The following RGL1 variants were observed in gnomAD, a reference collection of about 807,000 sequenced individuals.
RGL1 encodes the protein ral guanine nucleotide dissociation stimulator like 1.
A neutral mutation model predicts 95.2 loss-of-function variants in RGL1; 24 were observed. The observed-to-expected ratio is 0.25, with a 90% CI of 0.18 to 0.35. RGL1 has a LOEUF of 0.35. Among genes scored for constraint, RGL1 ranks in the 10% least tolerant of loss-of-function variants. The pLI is 1.00. For synonymous variants in RGL1, 329 were observed against 344.9 expected, an observed-to-expected ratio of 0.95 and a Z score of 0.51; for missense variants, 715 against 936.3, an observed-to-expected ratio of 0.76 and a Z score of 3.08.
chr1:183,742,027 G>A, intron 1 of RGL1: 2 of 851,516 alleles, frequency 2.3e-6, no homozygotes, highest in Non-Finnish European at 3.6e-6. Context: ...GTCTTTAATG[G>A]TCTCACTAGT....
At chr1:183,746,538 T>C (rs2102269758) in intron 2 of RGL1, among the ~76,000 whole-genome samples, 1 of 152,224 alleles carries the variant, frequency 6.6e-6, no homozygotes, top group South Asian at 2.1e-4. Context: ...TGATTAATTA[T>C]TCATCGTTAT....
chr1:183,736,434 T>G (rs1194087139), intron 1 of RGL1, among the ~76,000 whole-genome samples: 1 of 152,216 alleles, frequency 6.6e-6, no homozygotes, highest in Non-Finnish European at 1.5e-5. Flanking sequence ...GCTTGCTTAA[T>G]GGTTACACAG....
intron 3 of RGL1, among the ~76,000 whole-genome samples, chr1:183,857,131 G>T (rs1665203709): frequency 6.6e-6 from 1 of 152,156 alleles, no homozygotes; most frequent in Admixed American, 6.5e-5. Flanking sequence ...CCTTAAAAAT[G>T]TAAAAGATGG....
chr1:183,846,545 A>AT (rs1664450755), intron 2 of RGL1, among the ~76,000 whole-genome samples: 1 of 151,906 alleles, frequency 6.6e-6, no homozygotes, highest in Admixed American at 6.6e-5. Flanking sequence ...AATTTTTAAA[A>AT]AAAAAAAGAA....
chr1:183,762,824 C>T (rs1334105872), intron 2 of RGL1, among the ~76,000 whole-genome samples: 1 of 152,120 alleles, frequency 6.6e-6, no homozygotes, highest in Non-Finnish European at 1.5e-5. Context: ...TTGTGGAAGA[C>T]AGTATGGCAA....
At chr1:183,911,528 G>A (rs1002670098) in intron 14 of RGL1, among the ~76,000 whole-genome samples, 6 of 152,176 alleles carry the variant, frequency 3.9e-5, no homozygotes, top group African/African-American at 1.2e-4. Flanking sequence ...ACTAGCTCGC[G>A]TGCTTCTGGT....
At chr1:183,719,901 A>T (rs1228635420) in intron 1 of RGL1, among the ~76,000 whole-genome samples, 1 of 152,080 alleles carries the variant, frequency 6.6e-6, no homozygotes, top group Non-Finnish European at 1.5e-5. Context: ...GTGAGACTCC[A>T]TCTCAAAAAA....
At chr1:183,772,286 G>A (rs1210989209) in intron 2 of RGL1, among the ~76,000 whole-genome samples, 1 of 152,190 alleles carries the variant, frequency 6.6e-6, no homozygotes, top group South Asian at 2.1e-4. Flanking sequence ...CACGCCCACT[G>A]GGGCTTCAGG....
intron 2 of RGL1, among the ~76,000 whole-genome samples, chr1:183,758,100 G>T (rs1174197202): frequency 6.6e-6 from 1 of 152,184 alleles, no homozygotes; most frequent in Non-Finnish European, 1.5e-5. Context: ...AGTTGGTGTG[G>T]CTAGGCTTCT....
At chr1:183,677,954 G>C (rs1652942897) in intron 1 of RGL1, among the ~76,000 whole-genome samples, 1 of 152,124 alleles carries the variant, frequency 6.6e-6, no homozygotes, top group Admixed American at 6.5e-5. Context: ...AAACTGGAAG[G>C]CTTTTTTTCT....
intron 1 of RGL1, among the ~76,000 whole-genome samples, chr1:183,716,296 G>C (rs1655619656): frequency 6.6e-6 from 1 of 152,208 alleles, no homozygotes; most frequent in Non-Finnish European, 1.5e-5. Flanking sequence ...GTATGTTTTA[G>C]TTAGGGTAAG....
At chr1:183,798,441 AACCATCACC>A (rs1660809553) in intron 2 of RGL1, among the ~76,000 whole-genome samples, 1 of 152,068 alleles carries the variant, frequency 6.6e-6, no homozygotes, top group Non-Finnish European at 1.5e-5. Flanking sequence ...ATTCCCATGA[AACCATCACC>A]ACCATCAAAG....
intron 17 of RGL1, among the ~76,000 whole-genome samples, chr1:183,925,729 C>A (rs940475687): frequency 7.2e-5 from 11 of 152,136 alleles, no homozygotes; most frequent in African/African-American, 2.4e-4. Flanking sequence ...GGAAAATGGA[C>A]TGCAGGAGAA....
At chr1:183,711,453 T>C (rs1301304784) in intron 1 of RGL1, among the ~76,000 whole-genome samples, 2 of 151,954 alleles carry the variant, frequency 1.3e-5, no homozygotes, top group African/African-American at 4.8e-5. Context: ...ACTTAATGAG[T>C]ATGTAGGAGG....
intron 1 of RGL1, among the ~76,000 whole-genome samples, chr1:183,657,602 C>T (rs1241446228): frequency 2.0e-5 from 3 of 151,900 alleles, no homozygotes; most frequent in Non-Finnish European, 4.4e-5. Flanking sequence ...CATCCATGTC[C>T]CTACAAAGGA....
In RGL1 at chr1:183,926,016, T is replaced by C. The variant is rs938417307; in HGVS notation, c.2120-89T>C. On this transcript the variant is annotated intron_variant, in intron 17 of 17. Transcript: ENST00000360851. Reference sequence around the variant, plus strand: ...GAGATGAAGGGCCGTAGTCCCGTTCTTGTGTCTGGGCAAGGTTTACAGCTG... The same window carrying C: ...GAGATGAAGGGCCGTAGTCCCGTTCCTGTGTCTGGGCAAGGTTTACAGCTG... 3 of 1,146,346 alleles carry C rather than the reference T, an allele frequency of 2.6e-6. No individual in the cohort carries two copies. In the African/African-American group the frequency reaches 4.7e-5, roughly 18 times the overall value. 71.0% of individuals were successfully genotyped at this position (1,146,346 alleles called of 1,614,324 possible).
chr1:183,733,204 T>A (rs1656734194), intron 1 of RGL1, among the ~76,000 whole-genome samples: 1 of 152,144 alleles, frequency 6.6e-6, no homozygotes, highest in African/African-American at 2.4e-5. Context: ...AGGGATTGTA[T>A]CTTCTTGAGT....
intron 1 of RGL1, among the ~76,000 whole-genome samples, chr1:183,650,793 A>G (rs1650690806): frequency 6.6e-6 from 1 of 151,708 alleles, no homozygotes; most frequent in South Asian, 2.1e-4. Flanking sequence ...AGGTGTACCA[A>G]TCTTATCACA....
chr1:183,874,279 G>A (rs1040041754), intron 4 of RGL1, among the ~76,000 whole-genome samples: 1 of 152,158 alleles, frequency 6.6e-6, no homozygotes, highest in Non-Finnish European at 1.5e-5. Context: ...TTTAACCGAG[G>A]CCTTAACCTC....
Sources: allele counts gnomAD v4.1 joint callset (sites outside exome capture counted in the v4.1 genomes callset), GRCh38; gene constraint gnomAD v4.1.1; transcripts MANE v1.5; gene names NCBI Gene and HGNC (gene_info 2026-07-23, HGNC 2026-07-21).